TRAK1: variants seen among roughly 807,000 people sequenced by gnomAD.
The protein encoded by TRAK1 is trafficking kinesin-binding protein 1.
Under a neutral mutation model 92.1 loss-of-function variants are expected in TRAK1, and 33 were observed. The observed-to-expected ratio is 0.36, with a 90% CI of 0.27 to 0.48. The LOEUF is 0.48. Ranked by LOEUF, TRAK1 falls within the 20% of genes least tolerant of loss-of-function variation. The pLI is 0.99. For synonymous variants in TRAK1, 521 were observed against 517.3 expected (o/e 1.01, Z -0.10); for missense variants, 1,123 against 1,257.9 (o/e 0.89, Z 1.62).
At chr3:42,186,803 G>A (rs761536955) in intron 4 of TRAK1, among the ~76,000 whole-genome samples, 1 of 151,946 alleles carries the variant, frequency 6.6e-6, no homozygotes, top group Non-Finnish European at 1.5e-5. Flanking sequence ...TTTCCCTTTG[G>A]CATATTATTA....
chr3:42,220,733 G>A (rs888182436), intron 15 of TRAK1: 17 of 430,690 alleles, frequency 3.9e-5, no homozygotes, highest in African/African-American at 1.9e-4. Flanking sequence ...CTTGATGGTC[G>A]ATGCCCCTAA....
upstream of TRAK1, among the ~76,000 whole-genome samples, chr3:42,085,040 G>A (rs1704607441): frequency 6.6e-6 from 1 of 151,990 alleles, no homozygotes. Context: ...TCTGAAATTT[G>A]AAACTTTTCG....
chr3:42,102,131 G>T (rs372175465), intron 1 of TRAK1, among the ~76,000 whole-genome samples: 11 of 152,238 alleles, frequency 7.2e-5, no homozygotes, highest in African/African-American at 2.2e-4. Context: ...GATTACAGGC[G>T]CACACCACCA....
intron 2 of TRAK1, among the ~76,000 whole-genome samples, chr3:42,175,585 A>G (rs1483944118): frequency 6.6e-6 from 1 of 152,092 alleles, no homozygotes; most frequent in East Asian, 1.9e-4. Context: ...CAGATTTAGA[A>G]CCAGATTTCA....
At chr3:42,167,732 T>A (rs572483502) in intron 2 of TRAK1, among the ~76,000 whole-genome samples, 13 of 152,226 alleles carry the variant, frequency 8.5e-5, no homozygotes, top group Non-Finnish European at 1.8e-4. Flanking sequence ...TACAAAAAAT[T>A]AGCTGGGCGT....
At chr3:42,144,539 A>AT (rs1699091333) in intron 2 of TRAK1, among the ~76,000 whole-genome samples, 1 of 152,150 alleles carries the variant, frequency 6.6e-6, no homozygotes, top group Non-Finnish European at 1.5e-5. Context: ...GAAATCTGTT[A>AT]TTTTTTACTT....
intron 6 of TRAK1, 87 bp from the exon 7 acceptor site, chr3:42,191,471 G>T: frequency 8.1e-7 from 1 of 1,242,022 alleles, no homozygotes; most frequent in Non-Finnish European, 1.1e-6. Context: ...CCAGACCCCA[G>T]TTAGCCTTTG....
intron 14 of TRAK1, chr3:42,217,984 A>G: frequency 1.0e-6 from 1 of 984,332 alleles, no homozygotes. Context: ...CTTTGCCTGG[A>G]GCTCCCCATG....
rs544276217 is a variant in TRAK1 at position 42,096,656 on chromosome 3, C to T, written c.91+5096C>T. On this transcript the variant is annotated intron_variant, in intron 1 of 15. Coordinates refer to ENST00000327628, the MANE Select transcript of TRAK1 (RefSeq NM_001042646.3). ...TGTATTTCAAATGTCGCTGAGGGGA[C>T]GTGGCCTCATTAGAACACATAATGA... Among the ~76,000 whole-genome samples the T allele has an allele frequency of 6.6e-5, 10 of 152,346 alleles. No individual in the cohort carries two copies. In the South Asian group the frequency reaches 1.4e-3, roughly 22 times the overall value.
upstream of TRAK1, among the ~76,000 whole-genome samples, chr3:42,084,118 C>A (rs535943935): frequency 1.7e-4 from 26 of 152,078 alleles, no homozygotes; most frequent in South Asian, 4.2e-3. Context: ...TCTAGAAAAT[C>A]ATTTTAAAAT....
At chr3:42,142,349 A>G (rs1698781202) in intron 2 of TRAK1, among the ~76,000 whole-genome samples, 1 of 152,172 alleles carries the variant, frequency 6.6e-6, no homozygotes, top group Non-Finnish European at 1.5e-5. Context: ...GTTTGAAAAC[A>G]TGTACGAGTT....
intron 1 of TRAK1, among the ~76,000 whole-genome samples, chr3:42,017,665 T>G (rs1701575787): frequency 1.3e-5 from 2 of 152,168 alleles, no homozygotes; most frequent in Admixed American, 6.5e-5. Flanking sequence ...ATACCAATGA[T>G]GTTGAGCTGC....
chr3:42,202,805 G>T lies in TRAK1; in HGVS notation c.1744+53G>T. On this transcript the variant is annotated intron_variant, in intron 13 of 15. Transcript: ENST00000327628. This position sits in a 1 kb window ranked among gnomAD's most constrained non-coding sequence, Gnocchi z 6.1. The stretch of plus-strand genomic sequence containing the variant: ...CTGTCCTCCTGGGGGACTCCCTTTG[G>T]TCCCTGATCCACCTGCGGAAGGCGG... 6.3e-7 allele frequency: 1 copy of T among 1,598,730 alleles called. No individual in the cohort carries two copies.
At chr3:42,117,572 C>G (rs1709320980) in intron 1 of TRAK1, among the ~76,000 whole-genome samples, 1 of 152,140 alleles carries the variant, frequency 6.6e-6, no homozygotes, top group Non-Finnish European at 1.5e-5. Flanking sequence ...TCTAGGGCTA[C>G]TTTCCTTCTA....
chr3:42,224,026 G>A lies in TRAK1; in HGVS notation c.*289G>A, dbSNP rs781084416. 8.5e-6 allele frequency: 5 copies of A among 586,258 alleles called. No individual in the cohort carries two copies. The highest frequency in any genetic ancestry group is 1.6e-5 in the Non-Finnish European group (5 of 311,582). 36.3% of individuals were successfully genotyped at this position (586,258 alleles called of 1,614,324 possible). Reference sequence around the variant, plus strand: ...GAGGACGTCACCTGTGCTAACCTGGGGGAAGGTGGGGTCCTTTCTTCTTTC... The same window carrying A: ...GAGGACGTCACCTGTGCTAACCTGGAGGAAGGTGGGGTCCTTTCTTCTTTC... On this transcript the variant is annotated 3_prime_UTR_variant, in exon 16 of 16. Coordinates refer to ENST00000327628, the MANE Select transcript of TRAK1 (RefSeq NM_001042646.3).
At chr3:42,019,114 A>C (rs1203730809) in intron 1 of TRAK1, among the ~76,000 whole-genome samples, 1 of 152,112 alleles carries the variant, frequency 6.6e-6, no homozygotes, top group Non-Finnish European at 1.5e-5. Context: ...GAGTATTAAA[A>C]AAGAAAAAGA....
At chr3:42,165,988 C>A (rs910940581) in intron 2 of TRAK1, among the ~76,000 whole-genome samples, 8 of 152,076 alleles carry the variant, frequency 5.3e-5, no homozygotes, top group Non-Finnish European at 4.4e-5. Flanking sequence ...GGGCCTGTCC[C>A]GTGTCCCTCT....
chr3:42,016,746 T>G (rs181690738), intron 1 of TRAK1, among the ~76,000 whole-genome samples: 10 of 152,284 alleles, frequency 6.6e-5, no homozygotes, highest in Admixed American at 1.3e-4. Flanking sequence ...GGTGGCCAGT[T>G]TTTCTGCAAG....
At chr3:42,174,948 A>G (rs1703012958) in intron 2 of TRAK1, among the ~76,000 whole-genome samples, 1 of 152,004 alleles carries the variant, frequency 6.6e-6, no homozygotes, top group African/African-American at 2.4e-5. Flanking sequence ...CCTTAATTCA[A>G]AAACTTAGCC....
Sources: allele counts gnomAD v4.1 joint callset (sites outside exome capture counted in the v4.1 genomes callset), GRCh38; gene constraint gnomAD v4.1.1; non-coding constraint Gnocchi (gnomAD v3.1); transcripts MANE v1.5; gene names NCBI Gene and HGNC (gene_info 2026-07-23, HGNC 2026-07-21).